The following CARF variants were observed in gnomAD, a reference collection of about 807,000 sequenced individuals.
CARF encodes calcium responsive transcription factor, also known as calcium-responsive transcription factor.
Under a neutral mutation model 82.0 loss-of-function variants are expected in CARF, and 57 were observed. That is an observed-to-expected ratio of 0.70 (90% CI 0.56 to 0.87). CARF has a LOEUF of 0.87. Among genes scored for constraint, CARF ranks in the 40% least tolerant of loss-of-function variants. The pLI is 0.00. For synonymous variants in CARF, 268 were observed against 290.1 expected, an observed-to-expected ratio of 0.92 and a Z score of 0.77; for missense variants, 771 against 855.8, an observed-to-expected ratio of 0.90 and a Z score of 1.24.
chr2:202,958,984 CTT>C (rs10567688), intron 8 of CARF, among the ~76,000 whole-genome samples: 70,067 of 149,980 alleles, frequency 0.47, 17,427 homozygotes, highest in Middle Eastern at 0.7. Context: ...GTTTAGTAAT[CTT>C]TTATTTTTTG....
intron 2 of CARF, among the ~76,000 whole-genome samples, chr2:202,922,532 A>G (rs984493597): frequency 9.2e-5 from 14 of 152,264 alleles, no homozygotes; most frequent in African/African-American, 3.4e-4. Context: ...GCCAGTTGCT[A>G]TGCCTCACGC....
chr2:202,981,601 G>T lies in CARF; in HGVS notation c.1605G>T (p.Gln535His). 1 of 1,610,398 alleles carries T rather than the reference G, an allele frequency of 6.2e-7. No individual in the cohort carries two copies. Among genetic ancestry groups the T allele is most frequent in the Non-Finnish European group, 8.5e-7 (1 of 1,177,468 alleles). Residue 535 changes from glutamine to histidine, a missense_variant, in exon 15 of 17, where the codon CAG (glutamine) becomes CAT (histidine). Coordinates refer to ENST00000438828, the MANE Select transcript of CARF (RefSeq NM_024744.17). Reference protein sequence around the residue: ...ESITTKVETNQTRGSLSPEPT... With the variant: ...ESITTKVETNHTRGSLSPEPT... ...TTACCACCAAAGTGGAAACAAATCA[G>T]ACCAGGGGTTCTTTGTCTCCTGAGC...
At chr2:202,948,366 T>C (rs1226873142) in intron 5 of CARF, among the ~76,000 whole-genome samples, 1 of 152,208 alleles carries the variant, frequency 6.6e-6, no homozygotes, top group Non-Finnish European at 1.5e-5. Context: ...AGTTTTAAAA[T>C]AGTTTTTTTC....
At chr2:202,974,903 A>AATAT (rs555999665) in intron 13 of CARF, among the ~76,000 whole-genome samples, 2 of 151,776 alleles carry the variant, frequency 1.3e-5, no homozygotes, top group South Asian at 2.1e-4. Context: ...CATCTCAAAA[A>AATAT]ATATATATAT....
At position 202,985,699 on chromosome 2, in the gene CARF, T is replaced by G. The variant is rs1286011021; in HGVS notation, c.*2075T>G. ...AATATTCTTTTGTTATTTCTAGTTTTTATGGAATCCTTTTCTTTCAAGATT... is the reference window on the plus strand; with the variant it reads ...AATATTCTTTTGTTATTTCTAGTTTGTATGGAATCCTTTTCTTTCAAGATT... On this transcript the variant is annotated 3_prime_UTR_variant, in exon 17 of 17. Coordinates refer to ENST00000438828, the MANE Select transcript of CARF (RefSeq NM_024744.17). 6.6e-6 allele frequency: 1 copy of G among 152,154 alleles called. No individual in the cohort carries two copies. The highest frequency in any genetic ancestry group is 1.5e-5 in the Non-Finnish European group (1 of 67,980). 9.4% of individuals were successfully genotyped at this position (152,154 alleles called of 1,614,324 possible).
At chr2:202,964,629 T>C (rs998137572) in intron 9 of CARF, among the ~76,000 whole-genome samples, 1 of 151,844 alleles carries the variant, frequency 6.6e-6, no homozygotes, top group African/African-American at 2.4e-5. Context: ...TTATGGAAAT[T>C]TTTACATGTG....
At position 202,982,335 on chromosome 2, in the gene CARF, T is replaced by C; in HGVS notation, c.1953T>C (p.Val651=). ...NLVAMDELVE[V]GDVEDTGNLE... is the part of the protein sequence containing the mutation. ...TTGCAATGGACGAGCTGGTAGAAGT[T>C]GGAGATGTTGAGGATACAGGGAATC... Residue 651 remains valine (V), a synonymous_variant, in exon 16 of 17, where the codon GTT becomes GTC. Coordinates refer to ENST00000438828, the MANE Select transcript of CARF (RefSeq NM_024744.17). 1 of 1,614,060 alleles carries C rather than the reference T, an allele frequency of 6.2e-7. No homozygotes were observed. Among genetic ancestry groups the C allele is most frequent in the Non-Finnish European group, 8.5e-7 (1 of 1,179,970 alleles).
At chr2:202,926,749 T>C (rs907471083) in intron 3 of CARF, among the ~76,000 whole-genome samples, 3 of 152,350 alleles carry the variant, frequency 2.0e-5, no homozygotes, top group South Asian at 2.1e-4. Context: ...CATTCAGATA[T>C]TCTTTAATTT....
chr2:202,927,575 A>T (rs768838122), intron 3 of CARF, among the ~76,000 whole-genome samples: 1 of 152,060 alleles, frequency 6.6e-6, no homozygotes, highest in African/African-American at 2.4e-5. Flanking sequence ...ACATAATTGT[A>T]TAAGTTAATG....
At position 202,917,210 on chromosome 2, in the gene CARF, C is replaced by CAAAA. The variant is rs71034203; in HGVS notation, c.-329-644_-329-641dup. Among the ~76,000 whole-genome samples the CAAAA allele has an allele frequency of 9.8e-4, 46 of 46,994 alleles. 10 individuals carry two copies. The highest frequency in any genetic ancestry group is 1.2e-3 in the Non-Finnish European group (36 of 29,046). The allele number at this position is 46,994 out of a possible 152,430, so 30.8% of individuals were successfully genotyped here. A position where few individuals can be genotyped will look rare whatever the true frequency, so the allele number is the denominator to read the frequency against. Reference sequence around the variant, plus strand: ...TGGGCGACAGAGCGAGACTCCGTCTCAAAAAAAAAAAAAAAAAAAAAAAAA... The same window carrying CAAAA: ...TGGGCGACAGAGCGAGACTCCGTCTCAAAAAAAAAAAAAAAAAAAAAAAAAAAAA... On this transcript the variant is annotated intron_variant, in intron 1 of 16. Coordinates refer to ENST00000438828, the MANE Select transcript of CARF (RefSeq NM_024744.17).
intron 1 of CARF, among the ~76,000 whole-genome samples, chr2:202,915,885 G>A (rs1465971241): frequency 6.6e-6 from 1 of 152,054 alleles, no homozygotes; most frequent in Non-Finnish European, 1.5e-5. Context: ...TGGGATTACA[G>A]GCATGAGCCA....
chr2:202,950,273 G>T lies in CARF; in HGVS notation c.307-2286G>T, dbSNP rs182586423. Among the ~76,000 whole-genome samples the T allele has an allele frequency of 3.9e-5, 6 of 152,144 alleles. No individual in the cohort carries two copies. The East Asian group carries it at 9.7e-4, about 24-fold the overall frequency. ...GGAAACATAGTTTCAAAATTAAGAGGATATTCCACAGATCAGTCTTAATTA... is the reference window on the plus strand; with the variant it reads ...GGAAACATAGTTTCAAAATTAAGAGTATATTCCACAGATCAGTCTTAATTA... On this transcript the variant is annotated intron_variant, in intron 5 of 16. Coordinates refer to ENST00000438828, the MANE Select transcript of CARF (RefSeq NM_024744.17).
chr2:202,933,403 G>T (rs982136340), intron 3 of CARF, among the ~76,000 whole-genome samples: 1 of 151,364 alleles, frequency 6.6e-6, no homozygotes, highest in Non-Finnish European at 1.5e-5. Flanking sequence ...TTCTTCTCTC[G>T]GGGTAGCACA....
At chr2:202,961,564 T>C (rs2105884358) in intron 9 of CARF, 138 bp downstream of exon 9, 1 of 678,984 alleles carries the variant, frequency 1.5e-6, no homozygotes, top group Non-Finnish European at 2.5e-6. Flanking sequence ...GCATATTAAA[T>C]TGAAAAAACT....
intron 8 of CARF, among the ~76,000 whole-genome samples, chr2:202,960,479 A>AT (rs1364404789): frequency 1.3e-5 from 2 of 151,740 alleles, no homozygotes; most frequent in African/African-American, 4.8e-5. Context: ...CGAACTCTTG[A>AT]CCTCAGGTGA....
rs1037953901 is a variant in CARF, at chr2:202,987,298, T to C, written c.*3674T>C. Among the ~76,000 whole-genome samples the C allele has an allele frequency of 1.3e-4, 19 of 151,218 alleles. No homozygotes were observed. The highest frequency in any genetic ancestry group is 4.6e-4 in the African/African-American group (19 of 41,068). On this transcript the variant is annotated 3_prime_UTR_variant, in exon 17 of 17. Transcript: ENST00000438828. The stretch of plus-strand genomic sequence containing the variant: ...ACATTTTCAAGTATAGCTTTATATT[T>C]TAGGAGTAATGACAAAGTATGTGAT...
chr2:202,942,012 C>T lies in CARF; in HGVS notation c.78+32C>T, dbSNP rs747910450. The stretch of plus-strand genomic sequence containing the variant: ...ATTCAGCTGGGAACCTTTTTCCATC[C>T]TAGGGTAAAACAGCATGCCATTTAA... On this transcript the variant is annotated intron_variant, in intron 4 of 16. Transcript: ENST00000438828. 5 of 1,542,808 alleles carry T rather than the reference C, an allele frequency of 3.2e-6. No individual in the cohort carries two copies. In the African/African-American group the frequency reaches 5.5e-5, roughly 17 times the overall value.
chr2:202,929,485 A>G (rs1692476600), intron 3 of CARF, among the ~76,000 whole-genome samples: 1 of 152,072 alleles, frequency 6.6e-6, no homozygotes, highest in Non-Finnish European at 1.5e-5. Flanking sequence ...TTGAAAATCA[A>G]TTGGCTGTAA....
chr2:202,967,961 T>G (rs1187844704), intron 10 of CARF, among the ~76,000 whole-genome samples: 2 of 152,206 alleles, frequency 1.3e-5, no homozygotes, highest in African/African-American at 4.8e-5. Flanking sequence ...TGTAAATTTT[T>G]TAGACATTGA....
Sources: allele counts gnomAD v4.1 joint callset (sites outside exome capture counted in the v4.1 genomes callset), GRCh38; gene constraint gnomAD v4.1.1; transcripts MANE v1.5; gene names NCBI Gene and HGNC (gene_info 2026-07-23, HGNC 2026-07-21).